DMXL1: variants seen among roughly 807,000 people sequenced by gnomAD.
DMXL1 encodes the protein Dmx like 1, also known as dmX-like protein 1.
In DMXL1, 99 loss-of-function variants were observed where a neutral mutation model predicts 319.2. That is an observed-to-expected ratio of 0.31 (90% confidence interval 0.26 to 0.37). The LOEUF is 0.37. DMXL1 is among the 10% of genes least tolerant of loss of function. The pLI is 1.00. For missense variants in DMXL1, 3,745 were observed against 3,595.6 expected (o/e 1.04, Z -1.06); for synonymous variants, 1,385 against 1,235.2 (o/e 1.12, Z -2.54).
At chr5:119,209,403 G>T (rs563259018) in intron 34 of DMXL1, among the ~76,000 whole-genome samples, 1 of 150,228 alleles carries the variant, frequency 6.7e-6, no homozygotes, top group Non-Finnish European at 1.5e-5. Flanking sequence ...CAGGCTGGGT[G>T]TAGTGGTGTG....
chr5:119,083,700 C>G (rs1752721011), intron 1 of DMXL1, among the ~76,000 whole-genome samples: 1 of 151,870 alleles, frequency 6.6e-6, no homozygotes, highest in Non-Finnish European at 1.5e-5. Context: ...GCCACCACGC[C>G]TGGCTAATTT....
intron 26 of DMXL1, among the ~76,000 whole-genome samples, chr5:119,176,517 A>G (rs1014209129): frequency 4.6e-5 from 7 of 151,914 alleles, no homozygotes; most frequent in East Asian, 1.9e-4. Context: ...TATGATTTCT[A>G]TAGGAATGAG....
At position 119,197,808 on chromosome 5, in the gene DMXL1, T is replaced by C; in HGVS notation, c.7597T>C (p.Trp2533Arg). 1 of 1,614,186 alleles carries C rather than the reference T, an allele frequency of 6.2e-7. No individual in the cohort carries two copies. The highest frequency in any genetic ancestry group is 8.5e-7 in the Non-Finnish European group (1 of 1,180,014). Residue 2533 changes from tryptophan (W) to arginine (R), a missense_variant, in exon 32 of 44, where the codon TGG (tryptophan) becomes CGG (arginine). Trp to Arg is a moderately radical substitution (Grantham distance 101). Coordinates refer to ENST00000539542, the MANE Select transcript of DMXL1 (RefSeq NM_001290321.3). ...CHAVLKTLQC[W>R]EQVLLRRLEI... ...TGCGGTTCTAAAAACTCTTCAATGT[T>C]GGGAACAAGTTCTTCTCCGACGACT...
chr5:119,125,713 C>T (rs186170305), intron 9 of DMXL1, among the ~76,000 whole-genome samples: 315 of 151,964 alleles, frequency 2.1e-3, no homozygotes, highest in African/African-American at 7.0e-3. Flanking sequence ...TACAGACGCC[C>T]GCCACCACTC....
chr5:119,179,143 ATGTTAAAACTGTAT>A (rs1776353936), intron 28 of DMXL1, among the ~76,000 whole-genome samples: 1 of 152,154 alleles, frequency 6.6e-6, no homozygotes, highest in Admixed American at 6.6e-5. Context: ...AAACTTTCTA[ATGTTAAAACTGTAT>A]TTTTTTCATG....
At chr5:119,211,774 G>A (rs983664480) in intron 34 of DMXL1, among the ~76,000 whole-genome samples, 1 of 152,144 alleles carries the variant, frequency 6.6e-6, no homozygotes, top group Admixed American at 6.5e-5. Context: ...GTAGGTTTTA[G>A]TAAATGAAAA....
At chr5:119,118,779 T>A (rs748319783) in intron 7 of DMXL1, 36 bp from the exon 8 acceptor site, 5 of 1,508,224 alleles carry the variant, frequency 3.3e-6, no homozygotes, top group Non-Finnish European at 4.5e-6. Flanking sequence ...TATGTGAAAT[T>A]TGTATTTTTG....
chr5:119,108,814 T>G (rs1758921880), intron 4 of DMXL1, among the ~76,000 whole-genome samples: 1 of 152,144 alleles, frequency 6.6e-6, no homozygotes, highest in African/African-American at 2.4e-5. Context: ...TTTTCCTTTT[T>G]TTTTGAGGTG....
In DMXL1 at chr5:119,147,307, T is replaced by C. The variant is rs368971256; in HGVS notation, c.2748T>C (p.Ser916=). The C allele has an allele frequency of 2.2e-5, 35 of 1,613,448 alleles. No individual in the cohort carries two copies. Among genetic ancestry groups the C allele is most frequent in the Non-Finnish European group, 2.8e-5 (33 of 1,179,694 alleles). ...EAVWQPEEHY[S]SSPEKILSPF... Reference sequence around the variant, plus strand: ...TTTGGCAGCCAGAAGAACATTATTCTTCTTCTCCAGAGAAGATCCTATCTC... The same window carrying C: ...TTTGGCAGCCAGAAGAACATTATTCCTCTTCTCCAGAGAAGATCCTATCTC... Residue 916 remains serine, a synonymous_variant, in exon 17 of 44, where the codon TCT becomes TCC. Transcript: ENST00000539542.
intron 10 of DMXL1, among the ~76,000 whole-genome samples, chr5:119,130,319 T>A (rs1013907742): frequency 6.6e-6 from 1 of 151,834 alleles, no homozygotes; most frequent in Non-Finnish European, 1.5e-5. Context: ...ACAGAAATAA[T>A]GTTCTGCACT....
chr5:119,136,112 C>T (rs4346801), intron 13 of DMXL1, among the ~76,000 whole-genome samples: 4,095 of 152,302 alleles, frequency 0.027, 200 homozygotes, highest in Admixed American at 0.13. Flanking sequence ...ATGGAGATGA[C>T]GAACTTACTG....
chr5:119,080,556 A>G (rs933742060), intron 1 of DMXL1, among the ~76,000 whole-genome samples: 2 of 152,040 alleles, frequency 1.3e-5, no homozygotes, highest in African/African-American at 2.4e-5. Context: ...TATACAATCA[A>G]TCAAGCCCTG....
chr5:119,226,172 G>C (rs1444818600), intron 38 of DMXL1, among the ~76,000 whole-genome samples: 6 of 152,098 alleles, frequency 3.9e-5, no homozygotes, highest in Non-Finnish European at 5.9e-5. Flanking sequence ...CTGCTGTCTT[G>C]AGAGATAAAT....
chr5:119,071,902 T>A (rs1749673371), intron 1 of DMXL1, among the ~76,000 whole-genome samples: 2 of 152,224 alleles, frequency 1.3e-5, no homozygotes, highest in African/African-American at 4.8e-5. Context: ...GTTTTTGGTC[T>A]GTCTGCCTTG....
At chr5:119,214,654 C>T (rs1222516733) in intron 34 of DMXL1, among the ~76,000 whole-genome samples, 2 of 151,988 alleles carry the variant, frequency 1.3e-5, no homozygotes, top group Non-Finnish European at 1.5e-5. Flanking sequence ...ATGTATCTGA[C>T]ATGGGGTTCA....
chr5:119,088,121 G>C (rs1219490952), intron 1 of DMXL1, among the ~76,000 whole-genome samples: 1 of 152,138 alleles, frequency 6.6e-6, no homozygotes, highest in Non-Finnish European at 1.5e-5. Flanking sequence ...TTATATGCTT[G>C]AGAGCTCTGG....
At chr5:119,143,819 T>C in intron 13 of DMXL1, 22 bp from the exon 14 acceptor site, 2 of 1,493,692 alleles carry the variant, frequency 1.3e-6, no homozygotes, top group Non-Finnish European at 1.8e-6. Flanking sequence ...TAGTAAATTA[T>C]AAATTTTTTT....
At chr5:119,233,318 T>C (rs938606724) in intron 38 of DMXL1, 22 bp from the exon 39 acceptor site, 4 of 1,593,642 alleles carry the variant, frequency 2.5e-6, no homozygotes. Context: ...AAATCTGCAA[T>C]TTTTGCCCTC....
rs138974254 is a variant in DMXL1 at position 119,172,276 on chromosome 5, A to G, written c.6681+307A>G. ...AGTAGTACATTTAACCAAAAAGCTC[A>G]TTGTTTTTTAAATATAGAAACTTAA... is the stretch of plus-strand genomic sequence containing the variant. On this transcript the variant is annotated intron_variant, in intron 25 of 43. Transcript: ENST00000539542. 3.3e-4 allele frequency among the ~76,000 whole-genome samples: 50 copies of G among 152,326 alleles called. 1 individual carries two copies. The East Asian group carries it at 9.6e-3, about 29-fold the overall frequency.
Sources: gnomAD v4.1 joint callset for allele counts (sites outside exome capture counted in the v4.1 genomes callset) on GRCh38, gnomAD v4.1.1 for gene constraint, MANE v1.5 for transcripts, NCBI Gene and HGNC (gene_info 2026-07-23, HGNC 2026-07-21) for gene names.